CSMD1: variants seen among roughly 807,000 people sequenced by gnomAD.
CSMD1 encodes CUB and sushi domain-containing protein 1.
Under a neutral mutation model 417.5 loss-of-function variants are expected in CSMD1, and 213 were observed. The ratio of observed to expected loss-of-function variants is 0.51; its 90% CI spans 0.46 to 0.57. The LOEUF (loss-of-function observed/expected upper bound fraction) is 0.57. Ranked by LOEUF, CSMD1 falls within the 20% of genes least tolerant of loss-of-function variation. The probability of loss-of-function intolerance (pLI) is 0.00; values close to 1 mark genes in which losing one functional copy is unlikely to be tolerated. For missense variants in CSMD1, 6,923 were observed against 4,529.7 expected (o/e 1.53, Z -15.17); for synonymous variants, 2,862 against 1,736.8 (o/e 1.65, Z -16.11).
At chr8:3,743,507 G>C (rs937736096) in intron 6 of CSMD1, among the ~76,000 whole-genome samples, 2 of 152,132 alleles carry the variant, frequency 1.3e-5, no homozygotes, top group East Asian at 1.9e-4. Flanking sequence ...TCTTCAAAAA[G>C]AATAATGGAA....
intron 5 of CSMD1, among the ~76,000 whole-genome samples, chr8:3,996,265 A>G (rs1815205170): frequency 1.3e-5 from 2 of 152,314 alleles, no homozygotes; most frequent in Non-Finnish European, 1.5e-5. Flanking sequence ...CCTAAAAATA[A>G]GACCTTTAAC....
intron 2 of CSMD1, among the ~76,000 whole-genome samples, chr8:4,437,432 AT>A (rs1425743930): frequency 5.3e-5 from 8 of 152,228 alleles, no homozygotes; most frequent in African/African-American, 1.9e-4. Flanking sequence ...AGTCATGATT[AT>A]CCGTAAAATC....
chr8:3,492,796 G>C (rs140556062), intron 11 of CSMD1, among the ~76,000 whole-genome samples: 3 of 152,240 alleles, frequency 2.0e-5, no homozygotes, highest in African/African-American at 7.2e-5. Context: ...TCTGGAATCA[G>C]AGTTCTTCAA....
chr8:3,926,407 TTGAGA>T (rs1236061140), intron 5 of CSMD1, among the ~76,000 whole-genome samples: 10 of 149,712 alleles, frequency 6.7e-5, no homozygotes, highest in African/African-American at 2.4e-4. Flanking sequence ...CTGTCTTTTG[TTGAGA>T]TATTACCAGT....
chr8:3,865,391 C>G (rs1480856583), intron 5 of CSMD1, among the ~76,000 whole-genome samples: 7 of 152,130 alleles, frequency 4.6e-5, no homozygotes, highest in Non-Finnish European at 1.5e-5. Flanking sequence ...TTCCCTCAGT[C>G]CCTGGGCTCC....
intron 3 of CSMD1, among the ~76,000 whole-genome samples, chr8:4,363,478 T>G (rs2043117): frequency 0.078 from 11,924 of 152,040 alleles, 697 homozygotes; most frequent in African/African-American, 0.16. Context: ...CACCACCCCC[T>G]CTCTGGAGGA....
intron 2 of CSMD1, among the ~76,000 whole-genome samples, chr8:4,592,711 T>C (rs1218317925): frequency 6.6e-6 from 1 of 152,148 alleles, no homozygotes; most frequent in African/African-American, 2.4e-5. Flanking sequence ...TTGATGACAT[T>C]TATAAAGCTC....
At chr8:4,491,709 T>C (rs762404692) in intron 2 of CSMD1, among the ~76,000 whole-genome samples, 1 of 152,110 alleles carries the variant, frequency 6.6e-6, no homozygotes, top group Admixed American at 6.5e-5. Flanking sequence ...AAATCCAGAA[T>C]GGCAACACAA....
intron 3 of CSMD1, among the ~76,000 whole-genome samples, chr8:4,214,095 C>G (rs1009406280): frequency 4.6e-5 from 7 of 152,014 alleles, no homozygotes; most frequent in African/African-American, 1.5e-4. Context: ...GCATCTTACT[C>G]CCTCAATTTC....
chr8:4,103,593 T>C (rs557993038), intron 3 of CSMD1, among the ~76,000 whole-genome samples: 2 of 152,116 alleles, frequency 1.3e-5, no homozygotes, highest in Admixed American at 6.6e-5. Context: ...GTTGGACTCA[T>C]TCAGATATTT....
At chr8:4,579,642 G>A (rs1480401174) in intron 2 of CSMD1, among the ~76,000 whole-genome samples, 1 of 152,086 alleles carries the variant, frequency 6.6e-6, no homozygotes, top group African/African-American at 2.4e-5. Context: ...TATTACAGGT[G>A]TGAGCCATCA....
intron 37 of CSMD1, among the ~76,000 whole-genome samples, chr8:3,179,994 T>C (rs944128653): frequency 6.6e-6 from 1 of 152,210 alleles, no homozygotes; most frequent in African/African-American, 2.4e-5. Flanking sequence ...TTCAAAAATA[T>C]GCATGCATTT....
At chr8:4,027,191 A>G (rs1357846699) in intron 4 of CSMD1, among the ~76,000 whole-genome samples, 1 of 152,194 alleles carries the variant, frequency 6.6e-6, no homozygotes, top group Non-Finnish European at 1.5e-5. Flanking sequence ...AGAAGCATAT[A>G]GGAAGCCCTG....
chr8:4,427,590 G>T (rs1254852334), intron 2 of CSMD1, among the ~76,000 whole-genome samples: 1 of 152,030 alleles, frequency 6.6e-6, no homozygotes, highest in African/African-American at 2.4e-5. Flanking sequence ...CCATCATTTG[G>T]AGAGAGACTC....
At chr8:3,781,727 G>A (rs990616815) in intron 5 of CSMD1, among the ~76,000 whole-genome samples, 3 of 152,168 alleles carry the variant, frequency 2.0e-5, no homozygotes, top group South Asian at 2.1e-4. Context: ...ATGTGAGGGG[G>A]CCAATATTGC....
intron 7 of CSMD1, among the ~76,000 whole-genome samples, chr8:3,618,830 T>A (rs367818168): frequency 6.6e-6 from 1 of 152,162 alleles, no homozygotes; most frequent in East Asian, 1.9e-4. Context: ...CGTGGCACAG[T>A]GCAGTTGAGA....
intron 10 of CSMD1, among the ~76,000 whole-genome samples, chr8:3,548,897 C>T (rs931898370): frequency 2.0e-5 from 3 of 152,102 alleles, no homozygotes; most frequent in Admixed American, 6.5e-5. Context: ...CCACATCCTC[C>T]CCTTCTCACC....
intron 7 of CSMD1, among the ~76,000 whole-genome samples, chr8:3,705,052 C>T (rs1801089106): frequency 6.6e-6 from 1 of 152,160 alleles, no homozygotes. Flanking sequence ...GACAGGGTCC[C>T]ACCAGGAAAC....
At chr8:3,472,507 G>C (rs1196269261) in intron 11 of CSMD1, among the ~76,000 whole-genome samples, 1 of 152,020 alleles carries the variant, frequency 6.6e-6, no homozygotes, top group East Asian at 1.9e-4. Context: ...TCCAACTTGA[G>C]ATCAATCCAA....
Sources: allele counts gnomAD v4.1 joint callset (sites outside exome capture counted in the v4.1 genomes callset), GRCh38; gene constraint gnomAD v4.1.1; transcripts MANE v1.5; gene names NCBI Gene and HGNC (gene_info 2026-07-23, HGNC 2026-07-21).